The following MAP2K5 variants were observed in gnomAD, a reference collection of about 807,000 sequenced individuals.
MAP2K5 encodes the protein dual specificity mitogen-activated protein kinase kinase 5.
Under a neutral mutation model 83.1 loss-of-function variants are expected in MAP2K5, and 49 were observed. The ratio of observed to expected loss-of-function variants is 0.59; its 90% CI spans 0.47 to 0.75. MAP2K5 has a LOEUF of 0.75. Ranked by LOEUF, MAP2K5 falls within the 30% of genes least tolerant of loss-of-function variation. MAP2K5 has a pLI of 0.00. For missense variants in MAP2K5, 457 were observed against 557.5 expected, an observed-to-expected ratio of 0.82 and a Z score of 1.82; for synonymous variants, 202 against 191.8, an observed-to-expected ratio of 1.05 and a Z score of -0.44.
rs2084745496 is a variant in MAP2K5, at chr15:67,561,957, A to G, written c.185-1326A>G. Among the ~76,000 whole-genome samples, 1 of 152,270 alleles carries G rather than the reference A, an allele frequency of 6.6e-6. No individual in the cohort carries two copies. Among genetic ancestry groups the G allele is most frequent in the Admixed American group, 6.5e-5 (1 of 15,300 alleles). ...TACTTTCAGTAAGCATCCCCTGACC[A>G]TGTTGGGCAAGCTTATTCTCTTCAT... On this transcript the variant is annotated intron_variant, in intron 2 of 21. Transcript: ENST00000178640. The surrounding 1 kb of genome is among the most constrained non-coding windows in gnomAD (Gnocchi z 4.2).
At chr15:67,590,437 C>T (rs2085376441) in intron 6 of MAP2K5, among the ~76,000 whole-genome samples, 2 of 68,854 alleles carry the variant, frequency 2.9e-5, no homozygotes, top group Non-Finnish European at 5.5e-5. Context: ...CTCTCTCTCT[C>T]CCTCCCTCCC....
chr15:67,699,124 C>A (rs1318027833), intron 15 of MAP2K5, among the ~76,000 whole-genome samples: 2 of 151,356 alleles, frequency 1.3e-5, no homozygotes, highest in Non-Finnish European at 2.9e-5. Context: ...AATATGCTAG[C>A]TAAGTTTTTT....
intron 7 of MAP2K5, among the ~76,000 whole-genome samples, chr15:67,597,610 C>G (rs981955433): frequency 2.0e-5 from 3 of 152,206 alleles, no homozygotes; most frequent in African/African-American, 7.2e-5. Context: ...AATGAACACT[C>G]TTCCTATGCT....
chr15:67,586,837 T>C lies in MAP2K5; in HGVS notation c.364-9T>C. 1.2e-6 allele frequency: 2 copies of C among 1,613,700 alleles called. No individual in the cohort carries two copies. The highest frequency in any genetic ancestry group is 1.7e-6 in the Non-Finnish European group (2 of 1,179,588). On this transcript the variant is annotated splice_polypyrimidine_tract_variant and intron_variant, in intron 5 of 21. Transcript: ENST00000178640. ...ACAAGACTGATCAAGATTCTTTCTT[T>C]ACTTATAGGTGAATACTCGGGCCGG...
intron 8 of MAP2K5, among the ~76,000 whole-genome samples, chr15:67,606,342 A>G (rs952471680): frequency 6.6e-6 from 1 of 152,148 alleles, no homozygotes; most frequent in Non-Finnish European, 1.5e-5. Flanking sequence ...TGAATTTTCT[A>G]TCTCCAGCTC....
At chr15:67,695,428 TATA>T (rs1054466961) in intron 15 of MAP2K5, among the ~76,000 whole-genome samples, 1 of 152,220 alleles carries the variant, frequency 6.6e-6, no homozygotes, top group African/African-American at 2.4e-5. Flanking sequence ...TACTTTCTTG[TATA>T]ATAATAGGAA....
chr15:67,776,526 G>T (rs1006231154), intron 21 of MAP2K5, among the ~76,000 whole-genome samples: 1 of 152,202 alleles, frequency 6.6e-6, no homozygotes, highest in Non-Finnish European at 1.5e-5. Context: ...ATAATGCAAA[G>T]ATGGTAGAGA....
intron 9 of MAP2K5, among the ~76,000 whole-genome samples, chr15:67,632,097 AT>A (rs35811067): frequency 9.0e-4 from 127 of 140,792 alleles, no homozygotes; most frequent in African/African-American, 2.9e-3. Context: ...ATTATGCTAG[AT>A]TTTTTTTTTT....
intron 15 of MAP2K5, among the ~76,000 whole-genome samples, chr15:67,695,762 T>C (rs2088236277): frequency 6.6e-6 from 1 of 152,226 alleles, no homozygotes; most frequent in Admixed American, 6.5e-5. Flanking sequence ...AAATTAGTTT[T>C]TTATTTTTGT....
chr15:67,670,844 C>T (rs533892912), intron 13 of MAP2K5, among the ~76,000 whole-genome samples: 7 of 152,288 alleles, frequency 4.6e-5, no homozygotes, highest in South Asian at 2.1e-4. Context: ...TTGCTGTTAT[C>T]ATTGGCACAA....
intron 12 of MAP2K5, chr15:67,658,859 T>G (rs1258161914): frequency 7.3e-6 from 4 of 546,678 alleles, no homozygotes; most frequent in Non-Finnish European, 1.4e-5. Flanking sequence ...CTTGGTATTC[T>G]TGTTGACTCG....
chr15:67,665,160 C>T lies in MAP2K5; in HGVS notation c.847+515C>T, dbSNP rs1051474793. ...GCCTCCCAGAGTGCTAGGATTCAGG[C>T]GGGAGCCACCGCGCCTGGCCAAAAG... On this transcript the variant is annotated intron_variant, in intron 13 of 21. Transcript: ENST00000178640. The surrounding 1 kb of genome is among the most constrained non-coding windows in gnomAD (Gnocchi z 4.2). Among the ~76,000 whole-genome samples the T allele has an allele frequency of 2.6e-5, 4 of 152,120 alleles. 1 individual carries two copies. Among genetic ancestry groups the T allele is most frequent in the Admixed American group, 1.3e-4 (2 of 15,260 alleles).
At chr15:67,728,689 T>G (rs1163801000) in intron 17 of MAP2K5, among the ~76,000 whole-genome samples, 1 of 152,246 alleles carries the variant, frequency 6.6e-6, no homozygotes, top group Non-Finnish European at 1.5e-5. Flanking sequence ...CAGGCCAAAG[T>G]GCCTAGAGGC....
Position 67,801,923 on chromosome 15 carries a change from C to T in MAP2K5, c.1243-4723C>T, listed in dbSNP as rs2090713667. Reference sequence around the variant, plus strand: ...TATGGGGACCCCAAATAGGTACATTCCTATTTCAGAAGAAGCTCAAAGCCC... The same window carrying T: ...TATGGGGACCCCAAATAGGTACATTTCTATTTCAGAAGAAGCTCAAAGCCC... On this transcript the variant is annotated intron_variant, in intron 21 of 21. Coordinates refer to ENST00000178640, the MANE Select transcript of MAP2K5 (RefSeq NM_145160.3). The surrounding 1 kb of genome is among the most constrained non-coding windows in gnomAD (Gnocchi z 4.8). 6.6e-6 allele frequency among the ~76,000 whole-genome samples: 1 copy of T among 152,198 alleles called. No homozygotes were observed. Among genetic ancestry groups the T allele is most frequent in the Admixed American group, 6.5e-5 (1 of 15,284 alleles).
chr15:67,542,885 CTCTT>C lies in MAP2K5; in HGVS notation c.-446_-443del, dbSNP rs376941796. On this transcript the variant is annotated 5_prime_UTR_variant, in exon 1 of 22. Transcript: ENST00000178640. Reference sequence around the variant, plus strand: ...TCTCCGTGGTGTGGCGGCCCTGGGGCTCTTTCTTAATAGCCCCGGACTGAGTCCC... The same window carrying C: ...TCTCCGTGGTGTGGCGGCCCTGGGGCTCTTAATAGCCCCGGACTGAGTCCC... 4 of 157,716 alleles carry C rather than the reference CTCTT, an allele frequency of 2.5e-5. No homozygotes were observed. The highest frequency in any genetic ancestry group is 9.6e-5 in the African/African-American group (4 of 41,724). The allele number at this position is 157,716 out of a possible 1,614,324, so 9.8% of individuals were successfully genotyped here. A position where few individuals can be genotyped will look rare whatever the true frequency, so the allele number is the denominator to read the frequency against.
chr15:67,572,856 G>A lies in MAP2K5; in HGVS notation c.253-7898G>A, dbSNP rs1004462952. On this transcript the variant is annotated intron_variant, in intron 3 of 21. Transcript: ENST00000178640. The surrounding 1 kb of genome is among the most constrained non-coding windows in gnomAD (Gnocchi z 4.2). The stretch of plus-strand genomic sequence containing the variant: ...TGGGACTACAGGCACCTGCTACCAC[G>A]CCCAGCTAAGTTTTGTATTTTTAGT... Among the ~76,000 whole-genome samples the A allele has an allele frequency of 1.3e-5, 2 of 151,902 alleles. No homozygotes were observed. The highest frequency in any genetic ancestry group is 1.9e-4 in the East Asian group (1 of 5,170).
rs1200019516 is a variant in MAP2K5 at position 67,786,660 on chromosome 15, C to T, written c.1242+13908C>T. On this transcript the variant is annotated intron_variant, in intron 21 of 21. Coordinates refer to ENST00000178640, the MANE Select transcript of MAP2K5 (RefSeq NM_145160.3). The surrounding 1 kb of genome is among the most constrained non-coding windows in gnomAD (Gnocchi z 4.7). ...GTACAGAACTTGGAAAGTGGTGGTA[C>T]AACAGAAAGCCAGCTTCTCCCCTCC... Among the ~76,000 whole-genome samples the T allele has an allele frequency of 6.6e-6, 1 of 152,182 alleles. No individual in the cohort carries two copies. The highest frequency in any genetic ancestry group is 1.5e-5 in the Non-Finnish European group (1 of 68,030).
chr15:67,617,404 A>T (rs1192194358), intron 8 of MAP2K5, among the ~76,000 whole-genome samples: 1 of 152,228 alleles, frequency 6.6e-6, no homozygotes. Flanking sequence ...GCCTACTTTA[A>T]TTGTATGAGA....
chr15:67,601,078 A>ACCCTACGCTAGTC (rs1286729058), intron 8 of MAP2K5, among the ~76,000 whole-genome samples: 1 of 152,076 alleles, frequency 6.6e-6, no homozygotes, highest in South Asian at 2.1e-4. Context: ...ACTTGCTAGT[A>ACCCTACGCTAGTC]CCCTACGCTA....
Sources: gnomAD v4.1 joint callset for allele counts (sites outside exome capture counted in the v4.1 genomes callset) on GRCh38, gnomAD v4.1.1 for gene constraint, Gnocchi (gnomAD v3.1) non-coding constraint, MANE v1.5 for transcripts, NCBI Gene and HGNC (gene_info 2026-07-23, HGNC 2026-07-21) for gene names.